Variants in PDE6A observed in about 807,000 individuals in gnomAD.
The protein encoded by PDE6A is rod cGMP-specific 3',5'-cyclic phosphodiesterase subunit alpha.
PDE6A carries 84 observed loss-of-function variants against 106.3 expected under a neutral mutation model. The ratio of observed to expected loss-of-function variants is 0.79; its 90% CI spans 0.66 to 0.95. The LOEUF (loss-of-function observed/expected upper bound fraction) is 0.95. Ranked by LOEUF, PDE6A falls within the 40% of genes least tolerant of loss-of-function variation. PDE6A has a pLI of 0.00. For missense variants in PDE6A, 1,052 were observed against 1,084.9 expected (o/e 0.97, Z 0.43); for synonymous variants, 394 against 386.6 (o/e 1.02, Z -0.23).
chr5:149,875,283 A>G (rs1760697441), intron 17 of PDE6A, among the ~76,000 whole-genome samples: 1 of 152,250 alleles, frequency 6.6e-6, no homozygotes, highest in East Asian at 1.9e-4. Context: ...ACAGCTCCAC[A>G]GCAGGGTTGC....
intron 17 of PDE6A, among the ~76,000 whole-genome samples, chr5:149,880,032 G>A (rs1760870224): frequency 6.6e-6 from 1 of 152,052 alleles, no homozygotes; most frequent in South Asian, 2.1e-4. Context: ...TGATCTGAAC[G>A]ACTTCTCCTG....
At chr5:149,936,233 A>T (rs917012873) in intron 1 of PDE6A, among the ~76,000 whole-genome samples, 7 of 147,866 alleles carry the variant, frequency 4.7e-5, no homozygotes, top group African/African-American at 1.8e-4. Context: ...GCATCTATAG[A>T]TTTCTTCTAG....
intron 15 of PDE6A, 40 bp downstream of exon 15, chr5:149,884,739 TC>T: frequency 6.4e-7 from 1 of 1,571,186 alleles, no homozygotes; most frequent in Non-Finnish European, 8.8e-7. Context: ...GAGCCTCTGA[TC>T]CAGGCCCCGC....
chr5:149,895,745 G>A (rs1752720970), intron 12 of PDE6A, among the ~76,000 whole-genome samples: 1 of 152,108 alleles, frequency 6.6e-6, no homozygotes, highest in Non-Finnish European at 1.5e-5. Context: ...TATCAGAGCT[G>A]GGAGTGTGTG....
At chr5:149,886,541 GT>G (rs1278685695) in intron 13 of PDE6A, among the ~76,000 whole-genome samples, 167 bp from the exon 14 acceptor site, 1 of 152,156 alleles carries the variant, frequency 6.6e-6, no homozygotes, top group African/African-American at 2.4e-5. Flanking sequence ...GGGCTGAGGG[GT>G]TTTTTGGATA....
intron 13 of PDE6A, 46 bp from the exon 14 acceptor site, chr5:149,886,420 T>C: frequency 6.9e-7 from 1 of 1,448,260 alleles, no homozygotes; most frequent in South Asian, 1.1e-5. Flanking sequence ...GTGTAGGGGC[T>C]GGAAGCAGGG....
At chr5:149,915,361 G>A (rs1753520267) in intron 5 of PDE6A, among the ~76,000 whole-genome samples, 1 of 152,162 alleles carries the variant, frequency 6.6e-6, no homozygotes, top group South Asian at 2.1e-4. Context: ...GTATGTCCCT[G>A]AAACCAACTT....
intron 7 of PDE6A, among the ~76,000 whole-genome samples, chr5:149,907,068 G>A (rs941675416): frequency 2.0e-4 from 31 of 152,224 alleles, no homozygotes; most frequent in Admixed American, 6.5e-4. Flanking sequence ...CACTGTACCC[G>A]GCCAAGACTA....
intron 13 of PDE6A, among the ~76,000 whole-genome samples, chr5:149,889,081 C>CAAAAAAAAAAAAAAAAAAAAAAAAAA (rs568428704): frequency 3.2e-4 from 20 of 61,556 alleles, no homozygotes; most frequent in African/African-American, 9.3e-4. Context: ...GACTCTGTCT[C>CAAAAAAAAAAAAAAAAAAAAAAAAAA]AAAAAAAAAA....
In PDE6A at chr5:149,895,211, A is replaced by G. The variant is rs1752692707; in HGVS notation, c.1700T>C (p.Val567Ala). 1 of 1,613,972 alleles carries G rather than the reference A, an allele frequency of 6.2e-7. No homozygotes were observed. Among genetic ancestry groups the G allele is most frequent in the South Asian group, 1.1e-5 (1 of 91,076 alleles). The change falls in exon 13 of 22, where the codon GTG (valine) becomes GCG (alanine). Residue 567 changes from valine to alanine, a missense_variant. Physicochemically the swap from Val to Ala is moderately conservative, Grantham distance 64 (BLOSUM62 0). Coordinates refer to ENST00000255266, the MANE Select transcript of PDE6A (RefSeq NM_000440.3). ...CAGCAGGGAGAACATGGTCTGCCCCACGTTGAAGCCGTGCCGCCAGTTGTG... is the reference window on the plus strand; with the variant it reads ...CAGCAGGGAGAACATGGTCTGCCCCGCGTTGAAGCCGTGCCGCCAGTTGTG... ...TYHNWRHGFN[V>A]GQTMFSLLVT...
chr5:149,921,998 C>A (rs879287235), intron 4 of PDE6A, among the ~76,000 whole-genome samples: 4 of 152,124 alleles, frequency 2.6e-5, no homozygotes, highest in African/African-American at 9.7e-5. Flanking sequence ...AGGGTCTTTA[C>A]GGCTAAGAAA....
rs549091605 is a variant in PDE6A, at chr5:149,920,996, A to G, written c.933+639T>C. ...AAAGAAAGAAAGAAAGAAAGAAAGAAAAAGAAAGAAAATAGAAAACCTACG... is the reference window on the plus strand; with the variant it reads ...AAAGAAAGAAAGAAAGAAAGAAAGAGAAAGAAAGAAAATAGAAAACCTACG... On this transcript the variant is annotated intron_variant, in intron 5 of 21. Coordinates refer to ENST00000255266, the MANE Select transcript of PDE6A (RefSeq NM_000440.3). 2.9e-3 allele frequency among the ~76,000 whole-genome samples: 269 copies of G among 91,642 alleles called. 4 individuals are homozygous for G. Among genetic ancestry groups the G allele is most frequent in the African/African-American group, 8.1e-3 (253 of 31,078 alleles). The allele number at this position is 91,642 out of a possible 152,430, so 60.1% of individuals were successfully genotyped here.
chr5:149,896,481 C>A lies in PDE6A; in HGVS notation c.1495G>T (p.Asp499Tyr), dbSNP rs1752755897. The A allele has an allele frequency of 3.1e-6, 5 of 1,614,146 alleles. No individual in the cohort carries two copies. In the East Asian group the frequency reaches 1.1e-4, roughly 36 times the overall value. Reference sequence around the variant, plus strand: ...TGAAATTTATTAATTTCGTATTTATCTGCATCTGGCAGCTCCGCTTGCTGT... The same window carrying A: ...TGAAATTTATTAATTTCGTATTTATATGCATCTGGCAGCTCCGCTTGCTGT... ...EILQAELPDA[D>Y]KYEINKFHFS... Residue 499 changes from aspartate (D) to tyrosine (Y), a missense_variant, in exon 12 of 22, where the codon GAT (aspartate) becomes TAT (tyrosine). Around this residue, in one of 3 missense-constraint regions of PDE6A, gnomAD observed 913 missense variants for 915.2 expected, o/e 1.00. Coordinates refer to ENST00000255266, the MANE Select transcript of PDE6A (RefSeq NM_000440.3).
intron 5 of PDE6A, among the ~76,000 whole-genome samples, chr5:149,919,163 C>G (rs1006668359): frequency 1.3e-5 from 2 of 152,108 alleles, no homozygotes; most frequent in African/African-American, 4.8e-5. Context: ...CTGGGCCTGG[C>G]TGCTGTCCTA....
At chr5:149,940,566 C>T (rs529231992) in intron 1 of PDE6A, among the ~76,000 whole-genome samples, 3 of 148,498 alleles carry the variant, frequency 2.0e-5, no homozygotes, top group African/African-American at 5.0e-5. Context: ...GGTGCGGTCT[C>T]GGCTCACTGC....
chr5:149,876,545 C>T (rs559883519), intron 17 of PDE6A, among the ~76,000 whole-genome samples: 2 of 152,064 alleles, frequency 1.3e-5, no homozygotes, highest in South Asian at 4.2e-4. Flanking sequence ...ACTCTGTGGC[C>T]CGGCTGGAGT....
chr5:149,860,942 G>A lies in PDE6A; in HGVS notation c.2536C>T (p.Pro846Ser), dbSNP rs2113488403. The A allele has an allele frequency of 2.5e-6, 4 of 1,614,138 alleles. No homozygotes were observed. The highest frequency in any genetic ancestry group is 1.3e-5 in the African/African-American group (1 of 75,042). Residue 846 changes from proline to serine, a missense_variant, in exon 22 of 22, where the codon CCC becomes TCC. Pro to Ser is a moderately conservative substitution (Grantham distance 74, BLOSUM62 -1). Transcript: ENST00000255266. Reference protein sequence around the residue: ...AAAGNQPGGNPSPGGATTSKS... With the variant: ...AAAGNQPGGNSSPGGATTSKS... Reference sequence around the variant, plus strand: ...GATGTAGTTGCACCCCCTGGGCTGGGGTTTCCCCCCGGCTGATTTCCTGCG... The same window carrying A: ...GATGTAGTTGCACCCCCTGGGCTGGAGTTTCCCCCCGGCTGATTTCCTGCG...
intron 4 of PDE6A, among the ~76,000 whole-genome samples, chr5:149,929,105 T>C (rs1753951016): frequency 6.6e-6 from 1 of 152,212 alleles, no homozygotes; most frequent in Non-Finnish European, 1.5e-5. Flanking sequence ...ACTCTGAAAT[T>C]CTACTTCTAG....
intron 14 of PDE6A, 135 bp downstream of exon 14, chr5:149,886,130 G>C (rs146191860): frequency 1.4e-6 from 1 of 716,518 alleles, no homozygotes; most frequent in Non-Finnish European, 2.5e-6. Context: ...GAGGAGACCC[G>C]GATCCCAAGG....
Sources: gnomAD v4.1 joint callset for allele counts (sites outside exome capture counted in the v4.1 genomes callset) on GRCh38, gnomAD v4.1.1 for gene constraint, gnomAD v4.1.1 regional missense constraint, MANE v1.5 for transcripts, NCBI Gene and HGNC (gene_info 2026-07-23, HGNC 2026-07-21) for gene names.